The following ZBTB20 variants were observed in gnomAD, a reference collection of about 807,000 sequenced individuals.
ZBTB20 encodes the protein zinc finger and BTB domain containing 20, also known as zinc finger and BTB domain-containing protein 20.
A neutral mutation model predicts 56.9 loss-of-function variants in ZBTB20; 9 were observed. That is an observed-to-expected ratio of 0.16 (90% CI 0.10 to 0.28). The LOEUF (loss-of-function observed/expected upper bound fraction) is 0.28, where lower values mean the gene tolerates loss of function less well. Among genes scored for constraint, ZBTB20 ranks in the 10% least tolerant of loss-of-function variants. The pLI, the probability that ZBTB20 is intolerant of heterozygous loss-of-function variation, is 1.00. For synonymous variants in ZBTB20, 417 were observed against 420.7 expected, an observed-to-expected ratio of 0.99 and a Z score of 0.11; for missense variants, 655 against 1,003.0, an observed-to-expected ratio of 0.65 and a Z score of 4.69.
chr3:115,137,190 G>A (rs1367413812), intron 1 of ZBTB20, among the ~76,000 whole-genome samples: 1 of 151,974 alleles, frequency 6.6e-6, no homozygotes, highest in Non-Finnish European at 1.5e-5. Flanking sequence ...AGACACATAA[G>A]GGATGGTATA....
chr3:114,473,682 A>G (rs1196509948), intron 7 of ZBTB20, among the ~76,000 whole-genome samples: 1 of 152,148 alleles, frequency 6.6e-6, no homozygotes, highest in Non-Finnish European at 1.5e-5. Flanking sequence ...ATAAAAAGTA[A>G]GTAGAAAATA....
chr3:114,422,054 C>T (rs2722011), intron 7 of ZBTB20, among the ~76,000 whole-genome samples: 138,967 of 152,220 alleles, frequency 0.91, 64,778 homozygotes, highest in East Asian at 1. Flanking sequence ...CCTCCAGCCC[C>T]GTTGAACACA....
At chr3:115,115,114 T>G (rs2083983426) in intron 1 of ZBTB20, among the ~76,000 whole-genome samples, 1 of 152,080 alleles carries the variant, frequency 6.6e-6, no homozygotes, top group Non-Finnish European at 1.5e-5. Context: ...TTTTAAAGCT[T>G]TAACTTAAAA....
intron 7 of ZBTB20, among the ~76,000 whole-genome samples, chr3:114,461,574 G>A (rs1025228226): frequency 2.0e-5 from 3 of 152,084 alleles, no homozygotes; most frequent in African/African-American, 7.2e-5. Flanking sequence ...CTAAAGTGCT[G>A]GATTACAGGT....
intron 10 of ZBTB20, among the ~76,000 whole-genome samples, chr3:114,378,247 G>T (rs1374951796): frequency 1.3e-5 from 2 of 152,108 alleles, no homozygotes; most frequent in African/African-American, 2.4e-5. Context: ...CTAAGTGTAG[G>T]CTCAAATCAG....
chr3:114,467,586 A>C (rs763096203), intron 7 of ZBTB20, among the ~76,000 whole-genome samples: 1 of 152,158 alleles, frequency 6.6e-6, no homozygotes, highest in Non-Finnish European at 1.5e-5. Context: ...CTTTGAAAGG[A>C]CCACCTCTTA....
chr3:114,634,431 A>G (rs1346439378), intron 6 of ZBTB20, among the ~76,000 whole-genome samples: 2 of 152,172 alleles, frequency 1.3e-5, no homozygotes, highest in East Asian at 3.8e-4. Context: ...TGAGGGGTGC[A>G]TATCTTAATA....
intron 4 of ZBTB20, among the ~76,000 whole-genome samples, chr3:114,847,464 G>T (rs1199800281): frequency 6.6e-6 from 1 of 151,984 alleles, no homozygotes; most frequent in Non-Finnish European, 1.5e-5. Flanking sequence ...GGATGAAGAG[G>T]GTTTATAGGA....
intron 8 of ZBTB20, among the ~76,000 whole-genome samples, chr3:114,385,664 C>T (rs1293411658): frequency 2.0e-5 from 3 of 152,012 alleles, no homozygotes; most frequent in Non-Finnish European, 4.4e-5. Context: ...GTCAAGTGAT[C>T]GAGACAATCC....
chr3:114,872,383 A>G (rs1383475554), intron 4 of ZBTB20, among the ~76,000 whole-genome samples: 1 of 152,140 alleles, frequency 6.6e-6, no homozygotes, highest in Non-Finnish European at 1.5e-5. Flanking sequence ...AGTTGCACAC[A>G]TTTTGTGTTG....
intron 2 of ZBTB20, among the ~76,000 whole-genome samples, chr3:114,990,180 C>A (rs904230165): frequency 1.3e-5 from 2 of 152,084 alleles, no homozygotes; most frequent in Non-Finnish European, 2.9e-5. Flanking sequence ...TGTCTTGTGC[C>A]CGTTTTCAAA....
intron 2 of ZBTB20, among the ~76,000 whole-genome samples, chr3:115,019,926 A>C (rs1198764701): frequency 6.6e-6 from 1 of 151,280 alleles, no homozygotes; most frequent in Non-Finnish European, 1.5e-5. Flanking sequence ...AGAAGAAATA[A>C]AATGCTTCCA....
At chr3:114,527,391 G>A (rs2047353097) in intron 6 of ZBTB20, 1 of 152,220 alleles carries the variant, frequency 6.6e-6, no homozygotes, top group Non-Finnish European at 1.5e-5. Context: ...TCACAGGGCT[G>A]AAGGGGGCAG....
Position 114,327,137 on chromosome 3 carries a change from A to T in ZBTB20, c.*11868T>A, listed in dbSNP as rs991951323. 2.0e-5 allele frequency: 3 copies of T among 152,200 alleles called. No individual in the cohort carries two copies. The highest frequency in any genetic ancestry group is 7.2e-5 in the African/African-American group (3 of 41,464). 9.4% of individuals were successfully genotyped at this position (152,200 alleles called of 1,614,324 possible). On this transcript the variant is annotated 3_prime_UTR_variant, in exon 12 of 12. Coordinates refer to ENST00000675478, the MANE Select transcript of ZBTB20 (RefSeq NM_001348800.3). ...AGCTTGGAAAGACAGGAGGCTCATAAGCAATAATAAATTCACACCCTGGAG... is the reference window on the plus strand; with the variant it reads ...AGCTTGGAAAGACAGGAGGCTCATATGCAATAATAAATTCACACCCTGGAG...
At chr3:115,045,288 G>C (rs2081292198) in intron 2 of ZBTB20, among the ~76,000 whole-genome samples, 1 of 151,868 alleles carries the variant, frequency 6.6e-6, no homozygotes, top group Admixed American at 6.6e-5. Context: ...ATTTATATCT[G>C]CATATAAACA....
chr3:114,811,447 A>T lies in ZBTB20; in HGVS notation c.-416-10273T>A, dbSNP rs576346882. 1.2e-4 allele frequency among the ~76,000 whole-genome samples: 18 copies of T among 152,342 alleles called. No individual in the cohort carries two copies. The South Asian group carries it at 3.1e-3, about 26-fold the overall frequency. On this transcript the variant is annotated intron_variant, in intron 4 of 11. Coordinates refer to ENST00000675478, the MANE Select transcript of ZBTB20 (RefSeq NM_001348800.3). Reference sequence around the variant, plus strand: ...TAAATTATGAACGGATTTACAAAATAACTCCTATCACATGAAAAGAGATAA... The same window carrying T: ...TAAATTATGAACGGATTTACAAAATTACTCCTATCACATGAAAAGAGATAA...
At chr3:114,462,189 G>A (rs2109142246) in intron 7 of ZBTB20, among the ~76,000 whole-genome samples, 1 of 152,256 alleles carries the variant, frequency 6.6e-6, no homozygotes, top group East Asian at 1.9e-4. Context: ...TGGTGATATT[G>A]CCTTGATATT....
rs2079471178 is a variant in ZBTB20, at chr3:114,336,775, T to A, written c.*2230A>T. On this transcript the variant is annotated 3_prime_UTR_variant, in exon 12 of 12. Coordinates refer to ENST00000675478, the MANE Select transcript of ZBTB20 (RefSeq NM_001348800.3). ...AGGAAAATTAGAAGGAAAATTAAAT[T>A]AAAATGTAATGTAATTTTGAAACTA... The A allele has an allele frequency of 1.3e-5, 2 of 152,236 alleles. No homozygotes were observed. Among genetic ancestry groups the A allele is most frequent in the African/African-American group, 4.8e-5 (2 of 41,462 alleles). 9.4% of individuals were successfully genotyped at this position (152,236 alleles called of 1,614,324 possible).
chr3:114,844,860 CT>C (rs11396350), intron 4 of ZBTB20, among the ~76,000 whole-genome samples: 79 of 130,388 alleles, frequency 6.1e-4, no homozygotes, highest in Non-Finnish European at 8.0e-4. Flanking sequence ...TTTTCTTTTT[CT>C]TTTTTTTTTT....
Sources: allele counts gnomAD v4.1 joint callset (sites outside exome capture counted in the v4.1 genomes callset), GRCh38; gene constraint gnomAD v4.1.1; transcripts MANE v1.5; gene names NCBI Gene and HGNC (gene_info 2026-07-23, HGNC 2026-07-21).